METTL15: variants seen among roughly 807,000 people sequenced by gnomAD.
The protein encoded by METTL15 is 12S rRNA N(4)-cytidine methyltransferase METTL15.
A neutral mutation model predicts 38.3 loss-of-function variants in METTL15; 34 were observed. The observed-to-expected ratio is 0.89, with a 90% confidence interval of 0.68 to 1.18. The LOEUF is 1.18. Among genes scored for constraint, METTL15 ranks in the 50% most tolerant of loss-of-function variants. The pLI, the probability that METTL15 is intolerant of heterozygous loss-of-function variation, is 0.00. For synonymous variants in METTL15, 162 were observed against 170.9 expected (o/e 0.95, Z 0.41); for missense variants, 438 against 498.4 (o/e 0.88, Z 1.15).
At chr11:28,289,958 C>T (rs944833970) in intron 4 of METTL15, among the ~76,000 whole-genome samples, 1 of 151,842 alleles carries the variant, frequency 6.6e-6, no homozygotes, top group African/African-American at 2.4e-5. Flanking sequence ...ATATTGTATC[C>T]CTTCACAAAG....
chr11:28,263,555 T>C (rs1855294154), intron 4 of METTL15, among the ~76,000 whole-genome samples: 1 of 152,108 alleles, frequency 6.6e-6, no homozygotes. Context: ...ATTATATAAT[T>C]AATCATTCTC....
intron 6 of METTL15, among the ~76,000 whole-genome samples, chr11:28,460,409 A>G (rs553234634): frequency 6.6e-6 from 1 of 152,092 alleles, no homozygotes; most frequent in African/African-American, 2.4e-5. Context: ...GAGGTATCCA[A>G]ATTGGGCCTA....
chr11:28,194,718 TA>T (rs1829395551), intron 3 of METTL15, among the ~76,000 whole-genome samples: 2 of 152,072 alleles, frequency 1.3e-5, no homozygotes, highest in South Asian at 2.1e-4. Context: ...TCACTAGCTT[TA>T]GGGGTACAAG....
chr11:28,468,128 T>C (rs147379153), intron 6 of METTL15, among the ~76,000 whole-genome samples: 1 of 152,318 alleles, frequency 6.6e-6, no homozygotes, highest in East Asian at 1.9e-4. Context: ...ACACCCCAAG[T>C]GACTTGTTTT....
At chr11:28,388,431 G>A (rs1163900388) in intron 5 of METTL15, among the ~76,000 whole-genome samples, 1 of 151,874 alleles carries the variant, frequency 6.6e-6, no homozygotes, top group African/African-American at 2.4e-5. Context: ...AGGCAAAAAG[G>A]AAATTAAGAA....
chr11:28,500,039 T>C (rs1406187608), intron 6 of METTL15, among the ~76,000 whole-genome samples: 1 of 150,992 alleles, frequency 6.6e-6, no homozygotes, highest in Non-Finnish European at 1.5e-5. Context: ...GGCAAATCCA[T>C]AATATGTGGG....
chr11:28,487,588 A>G (rs1851448834), intron 6 of METTL15, among the ~76,000 whole-genome samples: 3 of 152,164 alleles, frequency 2.0e-5, no homozygotes, highest in Admixed American at 1.3e-4. Context: ...CATTTCTCCT[A>G]TAATAAAGTC....
At chr11:28,430,263 C>A (rs1289992206) in intron 6 of METTL15, among the ~76,000 whole-genome samples, 1 of 145,886 alleles carries the variant, frequency 6.9e-6, no homozygotes, top group Non-Finnish European at 1.5e-5. Flanking sequence ...GCCGCCCCAT[C>A]CGGGAGGGAG....
chr11:28,241,529 G>T (rs1211784867), intron 4 of METTL15, among the ~76,000 whole-genome samples: 1 of 148,818 alleles, frequency 6.7e-6, no homozygotes, highest in Admixed American at 6.7e-5. Flanking sequence ...GGGAGACCCC[G>T]TCTCAAAAAA....
At chr11:28,408,529 A>T (rs1850696352) in intron 5 of METTL15, among the ~76,000 whole-genome samples, 1 of 152,214 alleles carries the variant, frequency 6.6e-6, no homozygotes, top group South Asian at 2.1e-4. Flanking sequence ...TTTTAAATGT[A>T]TTAATTGTAA....
At chr11:28,442,129 G>A (rs896774107) in intron 6 of METTL15, among the ~76,000 whole-genome samples, 1 of 152,164 alleles carries the variant, frequency 6.6e-6, no homozygotes, top group Non-Finnish European at 1.5e-5. Flanking sequence ...AGGGGAAGAG[G>A]TATAGAAAAA....
chr11:28,301,476 C>T (rs187559916), intron 6 of METTL15, among the ~76,000 whole-genome samples: 2 of 151,846 alleles, frequency 1.3e-5, no homozygotes, highest in East Asian at 3.9e-4. Flanking sequence ...TTAAATATTC[C>T]CTTAGATTTA....
intron 6 of METTL15, among the ~76,000 whole-genome samples, chr11:28,306,585 A>G (rs577934692): frequency 2.2e-4 from 33 of 152,176 alleles, no homozygotes; most frequent in African/African-American, 7.7e-4. Flanking sequence ...AAAAATATTG[A>G]GAGAATCAAC....
chr11:28,339,937 G>T (rs1849935309), intron 3 of METTL15, among the ~76,000 whole-genome samples: 1 of 152,016 alleles, frequency 6.6e-6, no homozygotes, highest in African/African-American at 2.4e-5. Flanking sequence ...GAAGTTGTCT[G>T]GTAAAAAGAA....
chr11:28,118,024 A>G (rs1407373310), intron 3 of METTL15, among the ~76,000 whole-genome samples: 5 of 151,212 alleles, frequency 3.3e-5, no homozygotes, highest in African/African-American at 9.7e-5. Flanking sequence ...TTTTTTTGAG[A>G]CGGAGTTTCG....
intron 5 of METTL15, among the ~76,000 whole-genome samples, chr11:28,378,281 C>G (rs1850342099): frequency 6.6e-6 from 1 of 152,240 alleles, no homozygotes; most frequent in South Asian, 2.1e-4. Flanking sequence ...AGTTTGATCT[C>G]AGACTGCTGT....
intron 3 of METTL15, among the ~76,000 whole-genome samples, chr11:28,154,373 C>T (rs1850193463): frequency 6.6e-6 from 1 of 151,902 alleles, no homozygotes; most frequent in East Asian, 1.9e-4. Flanking sequence ...TTTGTAGTTT[C>T]TTCCTTGCCA....
At chr11:28,362,843 T>A (rs564439877) in intron 5 of METTL15, among the ~76,000 whole-genome samples, 1 of 152,364 alleles carries the variant, frequency 6.6e-6, no homozygotes, top group South Asian at 2.1e-4. Context: ...GGTGCATGTG[T>A]CTTCATGATA....
rs1029720663 is a variant in METTL15, at chr11:28,433,475, T to G, written c.*424+9111T>G. Among the ~76,000 whole-genome samples, 3 of 152,166 alleles carry G rather than the reference T, an allele frequency of 2.0e-5. No individual in the cohort carries two copies. The South Asian group carries it at 6.2e-4, about 32-fold the overall frequency. ...CAAATCACTTCAAATTCCCTAGACT[T>G]CAGTTTCTCATGTGTAAAATGGGGA... On this transcript the variant is annotated intron_variant and NMD_transcript_variant, in intron 6 of 7. Transcript: ENST00000532947.
Sources: allele counts gnomAD v4.1 joint callset (sites outside exome capture counted in the v4.1 genomes callset), GRCh38; gene constraint gnomAD v4.1.1; transcripts MANE v1.5; gene names NCBI Gene and HGNC (gene_info 2026-07-23, HGNC 2026-07-21).